The following PRKN variants were observed in gnomAD, a reference collection of about 807,000 sequenced individuals.
PRKN encodes the protein E3 ubiquitin-protein ligase parkin.
In PRKN, 56 loss-of-function variants were observed where a neutral mutation model predicts 59.5. The observed-to-expected ratio is 0.94, with a 90% CI of 0.76 to 1.18. The LOEUF (loss-of-function observed/expected upper bound fraction) is 1.18. Ranked by LOEUF, PRKN falls within the 50% of genes most tolerant of loss-of-function variation. The pLI, the probability that PRKN is intolerant of heterozygous loss-of-function variation, is 0.00. For synonymous variants in PRKN, 250 were observed against 222.1 expected, an observed-to-expected ratio of 1.13 and a Z score of -1.12; for missense variants, 657 against 596.4, an observed-to-expected ratio of 1.10 and a Z score of -1.06.
At chr6:162,264,002 A>C (rs1206503323) in intron 2 of PRKN, among the ~76,000 whole-genome samples, 2 of 150,056 alleles carry the variant, frequency 1.3e-5, no homozygotes, top group African/African-American at 2.5e-5. Context: ...GGCCGGCCGC[A>C]GTGGCTCACA....
chr6:161,636,373 G>A (rs969264399), intron 7 of PRKN, among the ~76,000 whole-genome samples: 7 of 152,234 alleles, frequency 4.6e-5, no homozygotes, highest in Non-Finnish European at 1.0e-4. Flanking sequence ...GCCACCTCTC[G>A]CAAGGGGGCT....
rs73026926 is a variant in PRKN, at chr6:161,447,293, G to T, written c.1084-60416C>A. Among the ~76,000 whole-genome samples the T allele has an allele frequency of 1.1e-3, 173 of 152,166 alleles. No homozygotes were observed. The highest frequency in any genetic ancestry group is 2.7e-3 in the Admixed American group (42 of 15,296). On this transcript the variant is annotated intron_variant, in intron 9 of 11. Coordinates refer to ENST00000366898, the MANE Select transcript of PRKN (RefSeq NM_004562.3). This position sits in a 1 kb window ranked among gnomAD's most constrained non-coding sequence, Gnocchi z 4.1. Reference sequence around the variant, plus strand: ...ACATGCTCAATCTAGGGTTTCCCGCGGCTAAACCCTAAAATTCACTTCGAA... The same window carrying T: ...ACATGCTCAATCTAGGGTTTCCCGCTGCTAAACCCTAAAATTCACTTCGAA...
At chr6:162,285,385 T>C (rs1781141151) in intron 2 of PRKN, among the ~76,000 whole-genome samples, 1 of 151,006 alleles carries the variant, frequency 6.6e-6, no homozygotes, top group Admixed American at 6.7e-5. Context: ...AATTAGGGGA[T>C]GACTGCATTA....
At chr6:161,641,241 T>A (rs1783726115) in intron 7 of PRKN, among the ~76,000 whole-genome samples, 1 of 152,226 alleles carries the variant, frequency 6.6e-6, no homozygotes, top group African/African-American at 2.4e-5. Context: ...AAATGATGGT[T>A]TAGGAGTCAT....
At chr6:162,008,441 C>A (rs552774468) in intron 5 of PRKN, among the ~76,000 whole-genome samples, 1 of 152,226 alleles carries the variant, frequency 6.6e-6, no homozygotes, top group African/African-American at 2.4e-5. Flanking sequence ...ATTCCTCAGG[C>A]CTCACTAAGT....
intron 3 of PRKN, among the ~76,000 whole-genome samples, chr6:162,212,533 A>G (rs1263716227): frequency 6.6e-6 from 1 of 152,224 alleles, no homozygotes; most frequent in Non-Finnish European, 1.5e-5. Context: ...TGCCTAAAGA[A>G]GAAAAACATC....
At chr6:161,790,469 A>G (rs1790594049) in intron 6 of PRKN, among the ~76,000 whole-genome samples, 1 of 152,180 alleles carries the variant, frequency 6.6e-6, no homozygotes, top group Non-Finnish European at 1.5e-5. Flanking sequence ...CAAAATTCGT[A>G]TGTTAAAATC....
intron 1 of PRKN, among the ~76,000 whole-genome samples, chr6:162,460,571 T>C (rs1004985306): frequency 6.6e-6 from 1 of 152,294 alleles, no homozygotes. Context: ...CTCCCTAAAA[T>C]AAAACCAACC....
chr6:161,739,847 C>T (rs981508686), intron 7 of PRKN, among the ~76,000 whole-genome samples: 11 of 152,060 alleles, frequency 7.2e-5, no homozygotes, highest in Admixed American at 4.6e-4. Context: ...CTCCACCTCC[C>T]GGGTTCAAGC....
At chr6:161,404,610 AG>A (rs1296893383) in intron 9 of PRKN, among the ~76,000 whole-genome samples, 2 of 152,238 alleles carry the variant, frequency 1.3e-5, no homozygotes, top group East Asian at 3.8e-4. Flanking sequence ...AAAATGTGTC[AG>A]GGTGTCTCTA....
intron 1 of PRKN, among the ~76,000 whole-genome samples, chr6:162,528,329 A>AG (rs1245915950): frequency 4.6e-5 from 7 of 151,844 alleles, no homozygotes; most frequent in Admixed American, 6.6e-5. Flanking sequence ...AAAAGAAAAA[A>AG]AAAAAAATTT....
At chr6:162,565,458 C>T (rs576884653) in intron 1 of PRKN, among the ~76,000 whole-genome samples, 19 of 152,122 alleles carry the variant, frequency 1.2e-4, no homozygotes, top group East Asian at 9.7e-4. Context: ...CTGAGGTGGG[C>T]GGGTCACCTG....
At chr6:161,729,047 G>C (rs1481639782) in intron 7 of PRKN, among the ~76,000 whole-genome samples, 1 of 152,148 alleles carries the variant, frequency 6.6e-6, no homozygotes, top group Non-Finnish European at 1.5e-5. Context: ...AGATGAATGA[G>C]ATAAACAGAA....
intron 3 of PRKN, among the ~76,000 whole-genome samples, chr6:162,243,408 T>C (rs1779070861): frequency 6.6e-6 from 1 of 152,114 alleles, no homozygotes; most frequent in Non-Finnish European, 1.5e-5. Context: ...GGGAATATTG[T>C]TCCAAGCTTA....
chr6:161,593,005 A>G lies in PRKN; in HGVS notation c.872-23589T>C, dbSNP rs187009860. Among the ~76,000 whole-genome samples, 22 of 152,306 alleles carry G rather than the reference A, an allele frequency of 1.4e-4. No individual in the cohort carries two copies. Among genetic ancestry groups the G allele is most frequent in the Non-Finnish European group, 2.1e-4 (14 of 68,026 alleles). ...TTTAGAAGGCATTCTACATTATAAT[A>G]ATGTGAGATTTACAGAAGAGTTGTA... On this transcript the variant is annotated intron_variant, in intron 7 of 11. Coordinates refer to ENST00000366898, the MANE Select transcript of PRKN (RefSeq NM_004562.3). This position sits in a 1 kb window ranked among gnomAD's most constrained non-coding sequence, Gnocchi z 4.8.
At chr6:162,594,935 G>C (rs1298264831) in intron 1 of PRKN, among the ~76,000 whole-genome samples, 4 of 152,138 alleles carry the variant, frequency 2.6e-5, no homozygotes, top group African/African-American at 7.2e-5. Flanking sequence ...AGCACTTTGG[G>C]AGGCTGAGGT....
At chr6:161,368,634 C>A (rs1392004207) in intron 10 of PRKN, among the ~76,000 whole-genome samples, 2 of 151,386 alleles carry the variant, frequency 1.3e-5, no homozygotes, top group Non-Finnish European at 2.9e-5. Flanking sequence ...GCCACCCAGC[C>A]CCCCTCCCCT....
At chr6:162,703,861 A>T (rs1778245011) in intron 1 of PRKN, among the ~76,000 whole-genome samples, 1 of 152,172 alleles carries the variant, frequency 6.6e-6, no homozygotes, top group Non-Finnish European at 1.5e-5. Context: ...TTGTGTTGTT[A>T]TTCCTTTATC....
chr6:162,239,255 G>T (rs1778881938), intron 3 of PRKN, among the ~76,000 whole-genome samples: 1 of 152,010 alleles, frequency 6.6e-6, no homozygotes, highest in African/African-American at 2.4e-5. Flanking sequence ...CAGCTTGCAG[G>T]TTGGCCGACT....
Sources: gnomAD v4.1 joint callset for allele counts (sites outside exome capture counted in the v4.1 genomes callset) on GRCh38, gnomAD v4.1.1 for gene constraint, Gnocchi (gnomAD v3.1) non-coding constraint, MANE v1.5 for transcripts, NCBI Gene and HGNC (gene_info 2026-07-23, HGNC 2026-07-21) for gene names.